Variants in KLHL14 observed in about 807,000 individuals in gnomAD.
KLHL14 encodes kelch-like protein 14.
KLHL14 carries 22 observed loss-of-function variants against 64.3 expected under a neutral mutation model. The observed-to-expected ratio is 0.34, with a 90% CI of 0.24 to 0.49. The LOEUF is 0.49. Among genes scored for constraint, KLHL14 ranks in the 20% least tolerant of loss-of-function variants. The pLI, the probability that KLHL14 is intolerant of heterozygous loss-of-function variation, is 0.99. For missense variants in KLHL14, 661 were observed against 789.0 expected (o/e 0.84, Z 1.94); for synonymous variants, 322 against 333.4 (o/e 0.97, Z 0.37).
intron 2 of KLHL14, among the ~76,000 whole-genome samples, chr18:32,751,412 T>C (rs1403414943): frequency 1.3e-5 from 2 of 152,210 alleles, no homozygotes; most frequent in Non-Finnish European, 2.9e-5. Context: ...CAAAGTATCA[T>C]TATCCCCATT....
intron 3 of KLHL14, among the ~76,000 whole-genome samples, chr18:32,726,152 A>G (rs2050107108): frequency 6.6e-6 from 1 of 152,246 alleles, no homozygotes; most frequent in Non-Finnish European, 1.5e-5. Context: ...ATAAAGTCAT[A>G]CTGGAACACA....
intron 3 of KLHL14, among the ~76,000 whole-genome samples, chr18:32,700,556 C>T (rs1244652556): frequency 6.6e-6 from 1 of 152,108 alleles, no homozygotes; most frequent in Non-Finnish European, 1.5e-5. Flanking sequence ...ATACTGTAGA[C>T]ATACTGTTTA....
At chr18:32,710,994 C>T (rs887217409) in intron 3 of KLHL14, among the ~76,000 whole-genome samples, 8 of 152,108 alleles carry the variant, frequency 5.3e-5, no homozygotes. Context: ...GTAGAAAGGC[C>T]TGGAAGAGTT....
At chr18:32,763,906 C>T (rs1358930838) in intron 2 of KLHL14, among the ~76,000 whole-genome samples, 1 of 152,118 alleles carries the variant, frequency 6.6e-6, no homozygotes, top group Non-Finnish European at 1.5e-5. Flanking sequence ...CTGAGACAGA[C>T]ACATAAGACA....
intron 4 of KLHL14, among the ~76,000 whole-genome samples, chr18:32,690,396 C>T (rs1032743448): frequency 1.3e-5 from 2 of 152,174 alleles, no homozygotes; most frequent in African/African-American, 2.4e-5. Context: ...CACTGGCTCC[C>T]GTTAGAAAGA....
intron 3 of KLHL14, among the ~76,000 whole-genome samples, chr18:32,728,536 A>C (rs2144517598): frequency 6.6e-6 from 1 of 152,286 alleles, no homozygotes; most frequent in South Asian, 2.1e-4. Context: ...AAGTTATGTC[A>C]AGTCCTTACT....
chr18:32,687,137 C>T lies in KLHL14; in HGVS notation c.1238+18G>A. On this transcript the variant is annotated intron_variant, in intron 5 of 8. Transcript: ENST00000359358. ...AAAGCCGTCACAAACGTTTCAGGTG[C>T]AAGAAATAAACACTTACCTTTCCTG... The T allele has an allele frequency of 1.2e-6, 2 of 1,606,848 alleles. No homozygotes were observed. Among genetic ancestry groups the T allele is most frequent in the Non-Finnish European group, 1.7e-6 (2 of 1,173,460 alleles).
At chr18:32,675,727 A>C (rs2049808252) in intron 8 of KLHL14, among the ~76,000 whole-genome samples, 1 of 152,178 alleles carries the variant, frequency 6.6e-6, no homozygotes, top group Non-Finnish European at 1.5e-5. Context: ...AAAAAAACGA[A>C]AGACCCAACC....
At chr18:32,690,175 A>G (rs2049900385) in intron 4 of KLHL14, among the ~76,000 whole-genome samples, 2 of 152,152 alleles carry the variant, frequency 1.3e-5, no homozygotes, top group South Asian at 4.1e-4. Context: ...GTAAAACGGG[A>G]AGTAAGGACA....
At position 32,770,388 on chromosome 18, in the gene KLHL14, G is replaced by A. The variant is rs1175972048; in HGVS notation, c.204C>T (p.Leu68=). Residue 68 remains leucine (L), a synonymous_variant, in exon 2 of 9, where the codon CTC becomes CTT. Coordinates refer to ENST00000359358, the MANE Select transcript of KLHL14 (RefSeq NM_020805.3). This position sits in a 1 kb window ranked among gnomAD's most constrained non-coding sequence, Gnocchi z 6.7. ...FRSLFSSHPP[L]GGGVGGQDGL... is the part of the protein sequence containing the mutation. ...CGTCCTGGCCGCCGACCCCTCCCCC[G>A]AGAGGGGGGTGGCTGGAGAAGAGCG... is the stretch of plus-strand genomic sequence containing the variant. 1 of 1,594,848 alleles carries A rather than the reference G, an allele frequency of 6.3e-7. No individual in the cohort carries two copies. The highest frequency in any genetic ancestry group is 2.2e-5 in the East Asian group (1 of 44,554).
intron 3 of KLHL14, among the ~76,000 whole-genome samples, chr18:32,708,184 A>G (rs532708302): frequency 6.6e-6 from 1 of 152,302 alleles, no homozygotes; most frequent in East Asian, 1.9e-4. Context: ...CTCCTGAGGA[A>G]CACTTTTTAA....
intron 2 of KLHL14, among the ~76,000 whole-genome samples, chr18:32,749,790 G>A (rs2050242237): frequency 6.6e-6 from 1 of 152,118 alleles, no homozygotes; most frequent in Non-Finnish European, 1.5e-5. Flanking sequence ...GCAATGTATG[G>A]GAGTGATTTG....
chr18:32,704,861 T>C (rs1017496863), intron 3 of KLHL14, among the ~76,000 whole-genome samples: 1 of 152,136 alleles, frequency 6.6e-6, no homozygotes, highest in Non-Finnish European at 1.5e-5. Context: ...CAGAGCCCAC[T>C]GTGTAGACAG....
At chr18:32,722,294 A>G (rs2050083856) in intron 3 of KLHL14, among the ~76,000 whole-genome samples, 1 of 152,186 alleles carries the variant, frequency 6.6e-6, no homozygotes. Context: ...CCCCAGCTCA[A>G]ACCTGTGCCA....
chr18:32,681,155 T>C (rs1169505093), intron 5 of KLHL14, among the ~76,000 whole-genome samples: 5 of 152,184 alleles, frequency 3.3e-5, no homozygotes, highest in African/African-American at 9.7e-5. Context: ...TTTGCACTTA[T>C]ATAACCAGTT....
intron 3 of KLHL14, among the ~76,000 whole-genome samples, chr18:32,716,420 C>CT (rs60090148): frequency 3.1e-4 from 45 of 147,372 alleles, no homozygotes; most frequent in Admixed American, 4.7e-4. Context: ...GCTTGCTTGA[C>CT]TTTTTTTTTT....
At position 32,683,356 on chromosome 18, in the gene KLHL14, C is replaced by G. The variant is rs1284628698; in HGVS notation, c.1239-2757G>C. On this transcript the variant is annotated intron_variant, in intron 5 of 8. Transcript: ENST00000359358. This position sits in a 1 kb window ranked among gnomAD's most constrained non-coding sequence, Gnocchi z 4.2. ...AATAGTAAAGATTCTGAGTCTTTGACTTATTCCCTTGCATGACCAAAGTGA... is the reference window on the plus strand; with the variant it reads ...AATAGTAAAGATTCTGAGTCTTTGAGTTATTCCCTTGCATGACCAAAGTGA... 1.3e-5 allele frequency among the ~76,000 whole-genome samples: 2 copies of G among 152,102 alleles called. No individual in the cohort carries two copies. The highest frequency in any genetic ancestry group is 2.9e-5 in the Non-Finnish European group (2 of 68,026).
At chr18:32,678,270 G>A (rs983020881) in intron 7 of KLHL14, among the ~76,000 whole-genome samples, 5 of 152,066 alleles carry the variant, frequency 3.3e-5, no homozygotes, top group South Asian at 4.2e-4. Context: ...TATTTTTCCC[G>A]TAGTTAAATG....
rs764562720 is a variant in KLHL14 at position 32,770,576 on chromosome 18, C to T, written c.16G>A (p.Asp6Asn). 2 of 1,582,800 alleles carry T rather than the reference C, an allele frequency of 1.3e-6. No individual in the cohort carries two copies. Among genetic ancestry groups the T allele is most frequent in the Non-Finnish European group, 1.7e-6 (2 of 1,169,186 alleles). ...CTGGGGTCGAAGGTGGAGGTCCTGT[C>T]CCCGGATCTGGACATGGCGAGCTGA... is the stretch of plus-strand genomic sequence containing the variant. MSRSG[D>N]RTSTFDPSHS... The change falls in exon 2 of 9, where the codon GAC (aspartate) becomes AAC (asparagine). Residue 6 changes from aspartate to asparagine, a missense_variant. Asp to Asn is a conservative substitution (Grantham distance 23). Coordinates refer to ENST00000359358, the MANE Select transcript of KLHL14 (RefSeq NM_020805.3). This position sits in a 1 kb window ranked among gnomAD's most constrained non-coding sequence, Gnocchi z 6.7.
Sources: gnomAD v4.1 joint callset for allele counts (sites outside exome capture counted in the v4.1 genomes callset) on GRCh38, gnomAD v4.1.1 for gene constraint, Gnocchi (gnomAD v3.1) non-coding constraint, MANE v1.5 for transcripts, NCBI Gene and HGNC (gene_info 2026-07-23, HGNC 2026-07-21) for gene names.